The following STK4 variants were observed in gnomAD, a reference collection of about 807,000 sequenced individuals.
STK4 encodes serine/threonine kinase 4.
STK4 carries 30 observed loss-of-function variants against 64.9 expected under a neutral mutation model. That is an observed-to-expected ratio of 0.46 (90% CI 0.35 to 0.63). STK4 has a LOEUF of 0.63. STK4 is among the 20% of genes least tolerant of loss of function. The pLI is 0.01. For synonymous variants in STK4, 177 were observed against 199.0 expected (o/e 0.89, Z 0.93); for missense variants, 466 against 598.5 (o/e 0.78, Z 2.31).
intron 4 of STK4, among the ~76,000 whole-genome samples, chr20:44,982,221 A>G (rs1327365554): frequency 6.8e-6 from 1 of 147,504 alleles, no homozygotes; most frequent in Non-Finnish European, 1.5e-5. Flanking sequence ...GGCTTCAGTG[A>G]TCCTCTCACT....
chr20:44,978,627 G>A, intron 3 of STK4, 56 bp downstream of exon 3: 5 of 1,578,870 alleles, frequency 3.2e-6, no homozygotes, highest in Non-Finnish European at 3.4e-6. Flanking sequence ...AGCTATGATT[G>A]TGTAGAGTTT....
chr20:45,052,550 T>C (rs1385587671), intron 10 of STK4, among the ~76,000 whole-genome samples: 5 of 152,136 alleles, frequency 3.3e-5, no homozygotes, highest in South Asian at 2.1e-4. Flanking sequence ...TTGGTTGGAG[T>C]TGGGTTGTTT....
At chr20:45,024,671 T>G (rs2068311991) in intron 9 of STK4, among the ~76,000 whole-genome samples, 3 of 152,186 alleles carry the variant, frequency 2.0e-5, no homozygotes, top group Admixed American at 6.5e-5. Context: ...TCCAAATGTA[T>G]TATTTGCAGA....
chr20:44,976,600 T>C (rs1159160732), intron 2 of STK4, among the ~76,000 whole-genome samples: 2 of 152,198 alleles, frequency 1.3e-5, no homozygotes, highest in African/African-American at 4.8e-5. Flanking sequence ...GGAAAGCTGT[T>C]GTCAATCCGG....
At chr20:45,026,956 G>C (rs2068359250) in intron 10 of STK4, among the ~76,000 whole-genome samples, 1 of 152,100 alleles carries the variant, frequency 6.6e-6, no homozygotes, top group Non-Finnish European at 1.5e-5. Flanking sequence ...GTTCCATGTT[G>C]CCTGTATAGT....
At position 44,966,574 on chromosome 20, in the gene STK4, G is replaced by T; in HGVS notation, c.6G>T (p.Glu2Asp). M[E>D]TVQLRNPPRR... ...GGGCGGCTGCTGGCAGCGCCATGGA[G>T]ACGGTACAGCTGAGGAACCCGCCGC... is the stretch of plus-strand genomic sequence containing the variant. Residue 2 changes from glutamate to aspartate, a missense_variant, in exon 1 of 11, where the codon GAG (glutamate) becomes GAT (aspartate). Glu to Asp is a conservative substitution (Grantham distance 45). Coordinates refer to ENST00000372806, the MANE Select transcript of STK4 (RefSeq NM_006282.5). 1 of 1,267,738 alleles carries T rather than the reference G, an allele frequency of 7.9e-7. No individual in the cohort carries two copies. The highest frequency in any genetic ancestry group is 1.0e-6 in the Non-Finnish European group (1 of 997,448). The allele number at this position is 1,267,738 out of a possible 1,614,324, so 78.5% of individuals were successfully genotyped here.
chr20:44,999,139 GAGTGGACACT>G (rs1485367409), intron 7 of STK4, among the ~76,000 whole-genome samples: 1 of 151,938 alleles, frequency 6.6e-6, no homozygotes, highest in Admixed American at 6.6e-5. Context: ...TAAAAAGAAT[GAGTGGACACT>G]AGCATGAAAC....
rs1158616549 is a variant in STK4, at chr20:45,078,884, G to A, written c.*3708G>A. 6.6e-6 allele frequency: 1 copy of A among 152,184 alleles called. No individual in the cohort carries two copies. Among genetic ancestry groups the A allele is most frequent in the Admixed American group, 6.6e-5 (1 of 15,258 alleles). 9.4% of individuals were successfully genotyped at this position (152,184 alleles called of 1,614,324 possible). On this transcript the variant is annotated 3_prime_UTR_variant, in exon 11 of 11. Transcript: ENST00000372806. ...GAAGCGACATCATGATACATCCTAT[G>A]GGTATTAAAAAGCCAATAGAATATT...
At chr20:45,043,816 T>A (rs1476296809) in intron 10 of STK4, among the ~76,000 whole-genome samples, 1 of 152,228 alleles carries the variant, frequency 6.6e-6, no homozygotes, top group Admixed American at 6.5e-5. Flanking sequence ...ATACTTCACC[T>A]GTAGTCACTT....
chr20:45,059,506 G>C (rs1978803885), intron 10 of STK4, among the ~76,000 whole-genome samples: 1 of 152,132 alleles, frequency 6.6e-6, no homozygotes, highest in Non-Finnish European at 1.5e-5. Flanking sequence ...GTGACTGAGG[G>C]GTGGATAGTG....
intron 9 of STK4, among the ~76,000 whole-genome samples, chr20:45,003,861 C>A (rs1031932839): frequency 1.3e-5 from 2 of 151,570 alleles, no homozygotes; most frequent in Non-Finnish European, 2.9e-5. Context: ...CGACTACAGG[C>A]GTGTGCTGCC....
intron 9 of STK4, among the ~76,000 whole-genome samples, chr20:45,004,771 T>C (rs1202215757): frequency 1.3e-5 from 2 of 150,810 alleles, no homozygotes; most frequent in Non-Finnish European, 2.9e-5. Context: ...TTTTTTCTTT[T>C]TTCTTTTTTT....
intron 10 of STK4, among the ~76,000 whole-genome samples, chr20:45,046,467 A>G (rs1466077452): frequency 6.6e-6 from 1 of 151,414 alleles, no homozygotes; most frequent in African/African-American, 2.4e-5. Flanking sequence ...AAAAGCAAAT[A>G]TAACCTCTGA....
At chr20:45,062,843 A>ATTTTTTTT (rs35335969) in intron 10 of STK4, among the ~76,000 whole-genome samples, 5 of 106,344 alleles carry the variant, frequency 4.7e-5, no homozygotes, top group African/African-American at 7.2e-5. Context: ...ACGCCCGGCT[A>ATTTTTTTT]TTTTTTTTTT....
chr20:45,054,995 AT>A (rs1263403280), intron 10 of STK4, among the ~76,000 whole-genome samples: 1 of 151,940 alleles, frequency 6.6e-6, no homozygotes. Context: ...TTTTCACCTG[AT>A]TTACCAAGAA....
At chr20:45,040,815 T>C (rs1039757060) in intron 10 of STK4, among the ~76,000 whole-genome samples, 4 of 152,018 alleles carry the variant, frequency 2.6e-5, no homozygotes, top group Non-Finnish European at 4.4e-5. Context: ...CCAGTGTAGA[T>C]TGAATACTAC....
intron 2 of STK4, among the ~76,000 whole-genome samples, chr20:44,978,171 C>T (rs373279145): frequency 1.3e-5 from 2 of 152,190 alleles, no homozygotes; most frequent in African/African-American, 4.8e-5. Context: ...TAGCAGATAG[C>T]AGGCATGCAG....
chr20:45,053,889 G>A (rs1470505139), intron 10 of STK4, among the ~76,000 whole-genome samples: 1 of 151,918 alleles, frequency 6.6e-6, no homozygotes, highest in African/African-American at 2.4e-5. Context: ...TGTAAAGATA[G>A]TAGTTTTTTT....
Position 45,077,548 on chromosome 20 carries a change from A to C in STK4, c.*2372A>C, listed in dbSNP as rs1029352515. ...TTACAGCATATGCCACCATGCCCAG[A>C]TTATTTTTTTGTATTTGTAGTAGAG... On this transcript the variant is annotated 3_prime_UTR_variant, in exon 11 of 11. Transcript: ENST00000372806. The C allele has an allele frequency of 1.3e-5, 2 of 152,092 alleles. No individual in the cohort carries two copies. The highest frequency in any genetic ancestry group is 4.8e-5 in the African/African-American group (2 of 41,390). The allele number at this position is 152,092 out of a possible 1,614,324, so 9.4% of individuals were successfully genotyped here.
Sources: allele counts gnomAD v4.1 joint callset (sites outside exome capture counted in the v4.1 genomes callset), GRCh38; gene constraint gnomAD v4.1.1; transcripts MANE v1.5; gene names NCBI Gene and HGNC (gene_info 2026-07-23, HGNC 2026-07-21).